The following DEPDC5 variants were observed in gnomAD, a reference collection of about 807,000 sequenced individuals.
DEPDC5 encodes DEP domain containing 5, GATOR1 subcomplex subunit, also known as GATOR1 complex protein DEPDC5.
Under a neutral mutation model 217.3 loss-of-function variants are expected in DEPDC5, and 73 were observed. The ratio of observed to expected loss-of-function variants is 0.34; its 90% CI spans 0.28 to 0.41. DEPDC5 has a LOEUF of 0.41. Ranked by LOEUF, DEPDC5 falls within the 10% of genes least tolerant of loss-of-function variation. The probability of loss-of-function intolerance (pLI) is 1.00; values close to 1 mark genes in which losing one functional copy is unlikely to be tolerated. For missense variants in DEPDC5, 1,675 were observed against 2,070.1 expected, an observed-to-expected ratio of 0.81 and a Z score of 3.70; for synonymous variants, 733 against 756.7, an observed-to-expected ratio of 0.97 and a Z score of 0.51.
chr22:31,879,394 A>G, intron 37 of DEPDC5, 131 bp from the exon 38 acceptor site: 1 of 791,030 alleles, frequency 1.3e-6, no homozygotes, highest in East Asian at 2.7e-5. Context: ...ATGGAACTAT[A>G]CAGTATGTGG....
At position 31,849,170 on chromosome 22, in the gene DEPDC5, G is replaced by A. The variant is rs181678395; in HGVS notation, c.3155+2203G>A. On this transcript the variant is annotated intron_variant, in intron 31 of 42. Coordinates refer to ENST00000651528, the MANE Select transcript of DEPDC5 (RefSeq NM_001242896.3). ...CCCACATTTTCCTGTCTTCTTCTGA[G>A]CACCCCCAGACTGTTCCAACCTTTG... Among the ~76,000 whole-genome samples the A allele has an allele frequency of 7.9e-3, 1,204 of 152,216 alleles. 11 individuals carry two copies. Among genetic ancestry groups the A allele is most frequent in the Non-Finnish European group, 0.013 (883 of 68,020 alleles).
chr22:31,839,838 A>G (rs1445285706), intron 27 of DEPDC5, among the ~76,000 whole-genome samples: 1 of 152,166 alleles, frequency 6.6e-6, no homozygotes, highest in African/African-American at 2.4e-5. Flanking sequence ...AATATGCAAC[A>G]GTATGGGTTA....
intron 12 of DEPDC5, among the ~76,000 whole-genome samples, chr22:31,793,860 A>C (rs1214829977): frequency 6.6e-6 from 1 of 152,110 alleles, no homozygotes; most frequent in Non-Finnish European, 1.5e-5. Flanking sequence ...GGGAGCCACC[A>C]TGCCTGGCTG....
In DEPDC5 at chr22:31,906,359, G is replaced by T. The variant is rs765985723; in HGVS notation, c.4674G>T (p.Trp1558Cys). 1 of 1,614,056 alleles carries T rather than the reference G, an allele frequency of 6.2e-7. No homozygotes were observed. Among genetic ancestry groups the T allele is most frequent in the Admixed American group, 1.7e-5 (1 of 60,034 alleles). Reference sequence around the variant, plus strand: ...ACAACACCATGCTCACCAAAACATGGCGCTCCAGCGCCACAGGGGATGAAA... The same window carrying T: ...ACAACACCATGCTCACCAAAACATGTCGCTCCAGCGCCACAGGGGATGAAA... Reference protein sequence around the residue: ...WAYNTMLTKTWRSSATGDEKF... With the variant: ...WAYNTMLTKTCRSSATGDEKF... Residue 1558 changes from tryptophan to cysteine, a missense_variant, in exon 43 of 43, where the codon TGG (tryptophan) becomes TGT (cysteine). Transcript: ENST00000651528. The surrounding 1 kb of genome is among the most constrained non-coding windows in gnomAD (Gnocchi z 5.1).
chr22:31,759,536 G>T (rs2082212310), intron 3 of DEPDC5, among the ~76,000 whole-genome samples: 1 of 150,914 alleles, frequency 6.6e-6, no homozygotes, highest in Non-Finnish European at 1.5e-5. Context: ...ACCATGCTTG[G>T]CTAATTTTTG....
intron 29 of DEPDC5, among the ~76,000 whole-genome samples, chr22:31,844,097 G>A (rs759532135): frequency 6.6e-6 from 1 of 151,996 alleles, no homozygotes; most frequent in Non-Finnish European, 1.5e-5. Flanking sequence ...GTGGTGGTGC[G>A]TGCCTGTAAT....
intron 41 of DEPDC5, among the ~76,000 whole-genome samples, chr22:31,904,254 TC>T (rs2093717093): frequency 6.6e-6 from 1 of 152,166 alleles, no homozygotes; most frequent in Admixed American, 6.5e-5. Context: ...TTATATCCCC[TC>T]CCCTGCCCTT....
Position 31,804,365 on chromosome 22 carries a change from C to T in DEPDC5, c.1143+142C>T, listed in dbSNP as rs546236559. 443 of 779,288 alleles carry T rather than the reference C, an allele frequency of 5.7e-4. No individual in the cohort carries two copies. In the African/African-American group the frequency reaches 7.2e-3, roughly 13 times the overall value. The allele number at this position is 779,288 out of a possible 1,614,324, so 48.3% of individuals were successfully genotyped here. A position where few individuals can be genotyped will look rare whatever the true frequency, so the allele number is the denominator to read the frequency against. Reference sequence around the variant, plus strand: ...GAAGATCCCTTAAGCCTAGGAGTTTCGGTATAGTTTGCTATGAACATGCCT... The same window carrying T: ...GAAGATCCCTTAAGCCTAGGAGTTTTGGTATAGTTTGCTATGAACATGCCT... On this transcript the variant is annotated intron_variant, in intron 16 of 42. Coordinates refer to ENST00000651528, the MANE Select transcript of DEPDC5 (RefSeq NM_001242896.3).
chr22:31,765,730 C>CTA (rs1174467372), intron 5 of DEPDC5, among the ~76,000 whole-genome samples: 1 of 152,016 alleles, frequency 6.6e-6, no homozygotes, highest in African/African-American at 2.4e-5. Flanking sequence ...TCTTGTAAAA[C>CTA]TAAACATGTA....
At chr22:31,850,502 A>G (rs1433061342) in intron 31 of DEPDC5, among the ~76,000 whole-genome samples, 1 of 152,238 alleles carries the variant, frequency 6.6e-6, no homozygotes, top group East Asian at 1.9e-4. Flanking sequence ...ACTTTAGCAT[A>G]AGTATGTATT....
At position 31,843,122 on chromosome 22, in the gene DEPDC5, A is replaced by G; in HGVS notation, c.2543A>G (p.Glu848Gly). Residue 848 changes from glutamate (E) to glycine (G), a missense_variant, in exon 28 of 43, where the codon GAG becomes GGG. Physicochemically the swap from Glu to Gly is moderately conservative, Grantham distance 98. Transcript: ENST00000651528. Reference sequence around the variant, plus strand: ...CTTGTGTCCCGAAACCGCCCTGAGGAGGAGGACCAGTATTGGCTGAGTATG... The same window carrying G: ...CTTGTGTCCCGAAACCGCCCTGAGGGGGAGGACCAGTATTGGCTGAGTATG... The part of the protein sequence containing the change: ...RGLVSRNRPE[E>G]EDQYWLSMGR... 6.2e-7 allele frequency: 1 copy of G among 1,613,972 alleles called. No homozygotes were observed. Among genetic ancestry groups the G allele is most frequent in the Non-Finnish European group, 8.5e-7 (1 of 1,179,990 alleles).
intron 12 of DEPDC5, among the ~76,000 whole-genome samples, chr22:31,797,293 G>A (rs2086349066): frequency 6.6e-6 from 1 of 152,146 alleles, no homozygotes. Flanking sequence ...GCATGGCTCA[G>A]GAGGCCTCTG....
In DEPDC5 at chr22:31,828,384, G is replaced by A. The variant is rs933694819; in HGVS notation, c.2105-5531G>A. The stretch of plus-strand genomic sequence containing the variant: ...GAGAATCGCTTTGAACCCGGGAGGC[G>A]GAGGTTGCAGTGAGCCAAGGTCACG... On this transcript the variant is annotated intron_variant, in intron 24 of 42. Transcript: ENST00000651528. Among the ~76,000 whole-genome samples the A allele has an allele frequency of 4.0e-5, 6 of 150,890 alleles. No individual in the cohort carries two copies. In the East Asian group the frequency reaches 9.7e-4, roughly 25 times the overall value.
chr22:31,838,797 A>G lies in DEPDC5; in HGVS notation c.2467A>G (p.Asn823Asp). The G allele has an allele frequency of 4.3e-6, 7 of 1,614,084 alleles. No homozygotes were observed. The highest frequency in any genetic ancestry group is 5.9e-6 in the Non-Finnish European group (7 of 1,179,996). ...AGTGCAGCCCAAGACACAGAAACCC[A>G]ATCCTGCTGTCCCGCCCCCGCTGAG... is the stretch of plus-strand genomic sequence containing the variant. ...IIVQPKTQKPNPAVPPPLSSS... is the reference protein window; with the variant it reads ...IIVQPKTQKPDPAVPPPLSSS... The change falls in exon 27 of 43, where the codon AAT becomes GAT. Residue 823 changes from asparagine (N) to aspartate (D), a missense_variant. Asn to Asp is a conservative substitution (Grantham distance 23). This residue lies in a region of DEPDC5 where 293 missense variants were observed against 386.1 expected (regional missense o/e 0.76). Coordinates refer to ENST00000651528, the MANE Select transcript of DEPDC5 (RefSeq NM_001242896.3).
chr22:31,780,548 TTC>T (rs1233926349), intron 8 of DEPDC5, among the ~76,000 whole-genome samples: 1 of 152,136 alleles, frequency 6.6e-6, no homozygotes, highest in Non-Finnish European at 1.5e-5. Context: ...ACATGCCACC[TTC>T]TCTCTTGCCA....
intron 7 of DEPDC5, 33 bp from the exon 8 acceptor site, chr22:31,778,066 G>C (rs779876176): frequency 1.2e-6 from 2 of 1,612,494 alleles, no homozygotes; most frequent in Non-Finnish European, 1.7e-6. Flanking sequence ...TTTCATGTAA[G>C]ACTTGTAATA....
intron 33 of DEPDC5, among the ~76,000 whole-genome samples, chr22:31,864,982 C>T (rs937632672): frequency 2.8e-5 from 4 of 141,280 alleles, no homozygotes; most frequent in South Asian, 4.1e-4. Flanking sequence ...TGAGCCATCG[C>T]GCTTGGCCTA....
intron 32 of DEPDC5, 90 bp from the exon 33 acceptor site, chr22:31,861,278 T>G: frequency 8.4e-7 from 1 of 1,184,290 alleles, no homozygotes; most frequent in South Asian, 1.3e-5. Context: ...TATACCTGTC[T>G]CCTTCCCCTG....
chr22:31,768,438 C>T (rs936710024), intron 6 of DEPDC5, among the ~76,000 whole-genome samples: 2 of 151,898 alleles, frequency 1.3e-5, no homozygotes, highest in Admixed American at 6.6e-5. Flanking sequence ...TTGAGGGTTC[C>T]ATTTTCTAAA....
Sources: allele counts gnomAD v4.1 joint callset (sites outside exome capture counted in the v4.1 genomes callset), GRCh38; gene constraint gnomAD v4.1.1; regional missense constraint gnomAD v4.1.1; non-coding constraint Gnocchi (gnomAD v3.1); transcripts MANE v1.5; gene names NCBI Gene and HGNC (gene_info 2026-07-23, HGNC 2026-07-21).